FEZ2: variants seen among roughly 807,000 people sequenced by gnomAD.
The protein encoded by FEZ2 is fasciculation and elongation protein zeta 2, also known as fasciculation and elongation protein zeta-2.
In FEZ2, 51 loss-of-function variants were observed where a neutral mutation model predicts 40.4. The observed-to-expected ratio is 1.26, with a 90% CI of 1.01 to 1.59. FEZ2 has a LOEUF of 1.59. Among genes scored for constraint, FEZ2 ranks in the 40% most tolerant of loss-of-function variants. FEZ2 has a pLI of 0.00. For missense variants in FEZ2, 640 were observed against 438.3 expected, an observed-to-expected ratio of 1.46 and a Z score of -4.11; for synonymous variants, 242 against 172.0, an observed-to-expected ratio of 1.41 and a Z score of -3.18.
intron 3 of FEZ2, among the ~76,000 whole-genome samples, chr2:36,581,893 G>GTA (rs781448876): frequency 6.6e-6 from 1 of 151,834 alleles, no homozygotes; most frequent in Admixed American, 6.6e-5. Context: ...CACAAAAAAA[G>GTA]TATATATAAA....
intron 5 of FEZ2, chr2:36,560,908 A>G (rs1174030915): frequency 7.9e-7 from 1 of 1,258,484 alleles, no homozygotes; most frequent in African/African-American, 1.5e-5. Context: ...GGACAGAGAA[A>G]GAAGTTCAAA....
chr2:36,577,533 C>T (rs571860765), intron 5 of FEZ2, among the ~76,000 whole-genome samples: 6 of 152,272 alleles, frequency 3.9e-5, no homozygotes, highest in Admixed American at 2.6e-4. Context: ...GGATTACAGG[C>T]GCGAGCCACC....
At chr2:36,597,661 G>T (rs1010269545) in intron 1 of FEZ2, among the ~76,000 whole-genome samples, 1 of 152,246 alleles carries the variant, frequency 6.6e-6, no homozygotes, top group Non-Finnish European at 1.5e-5. Context: ...GGGAGGTACC[G>T]AGGCGGAGGT....
At chr2:36,558,317 A>G in intron 6 of FEZ2, 121 bp downstream of exon 6, 1 of 523,386 alleles carries the variant, frequency 1.9e-6, no homozygotes, top group Non-Finnish European at 3.4e-6. Flanking sequence ...ATAAACAATT[A>G]TATGCATCAT....
At chr2:36,571,827 G>A (rs533613921) in intron 5 of FEZ2, among the ~76,000 whole-genome samples, 53 of 150,636 alleles carry the variant, frequency 3.5e-4, no homozygotes, top group Middle Eastern at 3.4e-3. Flanking sequence ...CCAACATGGT[G>A]AAACCCCACC....
At chr2:36,560,097 T>C (rs766804667) in intron 5 of FEZ2, among the ~76,000 whole-genome samples, 8 of 152,198 alleles carry the variant, frequency 5.3e-5, no homozygotes, top group Non-Finnish European at 8.8e-5. Context: ...TTTCATATAG[T>C]GAAAGGTAAT....
At chr2:36,567,918 T>C (rs535122882) in intron 5 of FEZ2, among the ~76,000 whole-genome samples, 37 of 152,318 alleles carry the variant, frequency 2.4e-4, no homozygotes, top group African/African-American at 8.9e-4. Context: ...CTGTGCATTC[T>C]GTTTTATAGC....
At chr2:36,596,613 G>A (rs888901014) in intron 1 of FEZ2, among the ~76,000 whole-genome samples, 3 of 152,034 alleles carry the variant, frequency 2.0e-5, no homozygotes, top group South Asian at 4.2e-4. Context: ...ACGGGCATGC[G>A]CCACCGGACT....
chr2:36,558,312 C>A, intron 6 of FEZ2, 126 bp downstream of exon 6: 1 of 503,346 alleles, frequency 2.0e-6, no homozygotes, highest in Non-Finnish European at 3.5e-6. Flanking sequence ...TAAAAATAAA[C>A]AATTATATGC....
intron 5 of FEZ2, among the ~76,000 whole-genome samples, chr2:36,565,872 C>T (rs1668222245): frequency 6.6e-6 from 1 of 152,098 alleles, no homozygotes; most frequent in Non-Finnish European, 1.5e-5. Flanking sequence ...GCAGTACCAC[C>T]CCCATCCTTC....
chr2:36,564,854 ATT>A (rs1668189802), intron 5 of FEZ2, among the ~76,000 whole-genome samples: 1 of 152,140 alleles, frequency 6.6e-6, no homozygotes, highest in Non-Finnish European at 1.5e-5. Context: ...GAATATGTCC[ATT>A]CTCTCCTCCT....
rs1050846857 is a variant in FEZ2 at position 36,568,753 on chromosome 2, C to T, written c.903+9844G>A. 2.6e-5 allele frequency among the ~76,000 whole-genome samples: 4 copies of T among 152,192 alleles called. No individual in the cohort carries two copies. In the South Asian group the frequency reaches 6.2e-4, roughly 24 times the overall value. On this transcript the variant is annotated intron_variant, in intron 5 of 7. Coordinates refer to ENST00000405912, the MANE Select transcript of FEZ2 (RefSeq NM_005102.3). ...ACGGAGGAAGAGGGTATTCAATACA[C>T]AGCTTCAACACCAGTATTTACGCTG...
chr2:36,597,105 C>A (rs1669247422), intron 1 of FEZ2, among the ~76,000 whole-genome samples: 1 of 152,118 alleles, frequency 6.6e-6, no homozygotes, highest in Non-Finnish European at 1.5e-5. Context: ...GTAAGCAGGG[C>A]CCTTCGTTTT....
chr2:36,592,774 C>T (rs1669108316), intron 1 of FEZ2, among the ~76,000 whole-genome samples: 3 of 152,080 alleles, frequency 2.0e-5, no homozygotes, highest in Admixed American at 2.0e-4. Context: ...ATGATGGCAC[C>T]ACTGTACTCC....
chr2:36,553,436 C>T lies in FEZ2; in HGVS notation c.1046-257G>A, dbSNP rs573413631. Reference sequence around the variant, plus strand: ...TTAGGGTGCCACTTGGAGATAGAAGCCCCTAACATTCGCCCTATACCATGA... The same window carrying T: ...TTAGGGTGCCACTTGGAGATAGAAGTCCCTAACATTCGCCCTATACCATGA... On this transcript the variant is annotated intron_variant, in intron 7 of 7. Coordinates refer to ENST00000405912, the MANE Select transcript of FEZ2 (RefSeq NM_005102.3). Among the ~76,000 whole-genome samples the T allele has an allele frequency of 2.6e-5, 4 of 152,252 alleles. No individual in the cohort carries two copies. The South Asian group carries it at 6.2e-4, about 24-fold the overall frequency.
intron 3 of FEZ2, among the ~76,000 whole-genome samples, chr2:36,582,610 G>T (rs999276912): frequency 1.3e-5 from 2 of 152,132 alleles, no homozygotes; most frequent in Non-Finnish European, 2.9e-5. Context: ...CCCACGCCTA[G>T]AACAATTCAA....
intron 2 of FEZ2, among the ~76,000 whole-genome samples, chr2:36,585,818 G>C (rs1668884420): frequency 6.6e-6 from 1 of 152,106 alleles, no homozygotes. Flanking sequence ...ATAGTGTCAG[G>C]GATTGGCAAA....
At chr2:36,584,155 G>C (rs848617) in intron 2 of FEZ2, 48,547 of 152,172 alleles carry the variant, frequency 0.32, 8,133 homozygotes, top group South Asian at 0.49. Context: ...TGGCAGACTG[G>C]AAGGTGGGAT....
intron 7 of FEZ2, 28 bp downstream of exon 7, chr2:36,555,655 A>T (rs763252637): frequency 7.1e-7 from 1 of 1,398,868 alleles, no homozygotes; most frequent in South Asian, 1.3e-5. Flanking sequence ...CCTCCCAGCC[A>T]TCGCACCTAT....
Sources: allele counts gnomAD v4.1 joint callset (sites outside exome capture counted in the v4.1 genomes callset), GRCh38; gene constraint gnomAD v4.1.1; transcripts MANE v1.5; gene names NCBI Gene and HGNC (gene_info 2026-07-23, HGNC 2026-07-21).